Variants in MACROD2 observed in about 807,000 individuals in gnomAD.
The protein encoded by MACROD2 is mono-ADP ribosylhydrolase 2.
A neutral mutation model predicts 70.4 loss-of-function variants in MACROD2; 36 were observed. That is an observed-to-expected ratio of 0.51 (90% confidence interval 0.39 to 0.68). The LOEUF (loss-of-function observed/expected upper bound fraction) is 0.68, where lower values mean the gene tolerates loss of function less well. MACROD2 is among the 30% of genes least tolerant of loss of function. The pLI, the probability that MACROD2 is intolerant of heterozygous loss-of-function variation, is 0.00. For missense variants in MACROD2, 496 were observed against 538.4 expected (o/e 0.92, Z 0.78); for synonymous variants, 172 against 178.8 (o/e 0.96, Z 0.30).
chr20:15,904,880 CAA>C lies in MACROD2; in HGVS notation c.775+19092_775+19093del, dbSNP rs10556594. On this transcript the variant is annotated intron_variant, in intron 10 of 17. Transcript: ENST00000684519. ...TGCGCGAAAGAGAGAGACTCTGTCT[CAA>C]AAAAAAAAAAAAAAAAAAAAAAGAA... 9.2e-3 allele frequency among the ~76,000 whole-genome samples: 1,186 copies of C among 128,682 alleles called. 6 individuals carry two copies. The highest frequency in any genetic ancestry group is 0.03 in the African/African-American group (983 of 32,744). The allele number at this position is 128,682 out of a possible 152,430, so 84.4% of individuals were successfully genotyped here. A position where few individuals can be genotyped will look rare whatever the true frequency, so the allele number is the denominator to read the frequency against.
chr20:14,787,719 A>G (rs1484533956), intron 5 of MACROD2, among the ~76,000 whole-genome samples: 1 of 152,088 alleles, frequency 6.6e-6, no homozygotes, highest in East Asian at 1.9e-4. Context: ...GGGACTTTCT[A>G]TTCCTTTCCA....
At chr20:14,945,971 G>A (rs1464200462) in intron 5 of MACROD2, among the ~76,000 whole-genome samples, 1 of 152,164 alleles carries the variant, frequency 6.6e-6, no homozygotes, top group African/African-American at 2.4e-5. Context: ...ACTTTGGGAG[G>A]CCGAGGTGGG....
intron 4 of MACROD2, among the ~76,000 whole-genome samples, chr20:14,515,415 G>C (rs1192019776): frequency 6.8e-6 from 1 of 146,488 alleles, no homozygotes; most frequent in Admixed American, 6.9e-5. Flanking sequence ...AAGCAACCCA[G>C]TATCTATCCG....
At chr20:14,879,654 A>G (rs575114059) in intron 5 of MACROD2, among the ~76,000 whole-genome samples, 2 of 152,340 alleles carry the variant, frequency 1.3e-5, no homozygotes, top group African/African-American at 4.8e-5. Flanking sequence ...TGATGAGGTT[A>G]CATTGTTCTT....
intron 4 of MACROD2, among the ~76,000 whole-genome samples, chr20:14,624,264 G>A (rs1321185290): frequency 2.0e-5 from 3 of 152,128 alleles, no homozygotes. Flanking sequence ...AGTGAGACAC[G>A]TTAAGAAGGA....
At chr20:15,926,193 G>A (rs950841693) in intron 10 of MACROD2, among the ~76,000 whole-genome samples, 2 of 152,134 alleles carry the variant, frequency 1.3e-5, no homozygotes, top group Non-Finnish European at 2.9e-5. Context: ...ATCTTATGTC[G>A]GGGCCAGCAT....
At chr20:14,917,564 A>G (rs778308381) in intron 5 of MACROD2, among the ~76,000 whole-genome samples, 22 of 152,208 alleles carry the variant, frequency 1.4e-4, no homozygotes, top group African/African-American at 4.1e-4. Context: ...CGGGAAGCCT[A>G]TGGAAGACCA....
chr20:15,902,697 G>A (rs1457866407), intron 10 of MACROD2, among the ~76,000 whole-genome samples: 1 of 152,024 alleles, frequency 6.6e-6, no homozygotes, highest in African/African-American at 2.4e-5. Context: ...AGGTTCTCAT[G>A]GCAAGGAGCT....
chr20:14,583,400 T>G (rs1435356625), intron 4 of MACROD2, among the ~76,000 whole-genome samples: 4 of 152,202 alleles, frequency 2.6e-5, no homozygotes, highest in Non-Finnish European at 4.4e-5. Context: ...GCATCTGTAC[T>G]TTTCTCAGCA....
intron 3 of MACROD2, among the ~76,000 whole-genome samples, chr20:14,452,865 T>C (rs1226307038): frequency 6.6e-6 from 1 of 152,180 alleles, no homozygotes; most frequent in African/African-American, 2.4e-5. Context: ...TTGATGCACA[T>C]CTTACATCTT....
chr20:15,715,354 C>T (rs753729863), intron 8 of MACROD2, among the ~76,000 whole-genome samples: 23 of 152,078 alleles, frequency 1.5e-4, no homozygotes, highest in Non-Finnish European at 2.8e-4. Context: ...ATTTCTTTTG[C>T]AACCCTGATC....
At chr20:14,648,810 A>G (rs1219865898) in intron 4 of MACROD2, among the ~76,000 whole-genome samples, 2 of 152,166 alleles carry the variant, frequency 1.3e-5, no homozygotes, top group East Asian at 3.8e-4. Flanking sequence ...TTTGTACTTT[A>G]TACCATTATG....
At chr20:15,011,527 T>G (rs762562567) in intron 5 of MACROD2, among the ~76,000 whole-genome samples, 1 of 152,222 alleles carries the variant, frequency 6.6e-6, no homozygotes, top group Non-Finnish European at 1.5e-5. Context: ...GTACTCTTTG[T>G]TCCCCCAAGT....
intron 3 of MACROD2, among the ~76,000 whole-genome samples, chr20:14,149,367 T>C (rs1232217927): frequency 1.3e-5 from 2 of 152,184 alleles, no homozygotes; most frequent in Non-Finnish European, 2.9e-5. Context: ...TTCCATGGTA[T>C]ATATGTACCA....
chr20:14,332,566 A>AT (rs1568563000), intron 3 of MACROD2, among the ~76,000 whole-genome samples: 1 of 152,158 alleles, frequency 6.6e-6, no homozygotes, highest in Admixed American at 6.6e-5. Flanking sequence ...ATCATTAGTC[A>AT]TTTTTTAAAA....
intron 3 of MACROD2, among the ~76,000 whole-genome samples, chr20:14,457,920 T>G (rs1026686888): frequency 6.6e-6 from 1 of 152,018 alleles, no homozygotes; most frequent in African/African-American, 2.4e-5. Flanking sequence ...GCCAACATGG[T>G]GAAACCTCAT....
chr20:15,413,792 G>T (rs960894420), intron 6 of MACROD2, among the ~76,000 whole-genome samples: 2 of 152,100 alleles, frequency 1.3e-5, no homozygotes, highest in African/African-American at 4.8e-5. Context: ...GTCTTTAGAG[G>T]TAGTTCTCAG....
chr20:15,493,313 C>G (rs974283730), intron 7 of MACROD2, among the ~76,000 whole-genome samples: 1 of 152,064 alleles, frequency 6.6e-6, no homozygotes, highest in South Asian at 2.1e-4. Flanking sequence ...TAAAGCCTGG[C>G]TTAAATATAC....
chr20:15,904,431 AGATTATTTTATGT>A (rs2065112519), intron 10 of MACROD2, among the ~76,000 whole-genome samples: 1 of 152,172 alleles, frequency 6.6e-6, no homozygotes, highest in Non-Finnish European at 1.5e-5. Context: ...CTGAGTAAAA[AGATTATTTTATGT>A]GATTTAGATA....
Sources: gnomAD v4.1 joint callset for allele counts (sites outside exome capture counted in the v4.1 genomes callset) on GRCh38, gnomAD v4.1.1 for gene constraint, MANE v1.5 for transcripts, NCBI Gene and HGNC (gene_info 2026-07-23, HGNC 2026-07-21) for gene names.